The following TDRD1 variants were observed in gnomAD, a reference collection of about 807,000 sequenced individuals.
The protein encoded by TDRD1 is tudor domain-containing protein 1.
A neutral mutation model predicts 140.6 loss-of-function variants in TDRD1; 37 were observed. The observed-to-expected ratio is 0.26, with a 90% CI of 0.20 to 0.35. The LOEUF is 0.35. TDRD1 is among the 10% of genes least tolerant of loss of function. TDRD1 has a pLI of 1.00. For missense variants in TDRD1, 1,243 were observed against 1,393.0 expected, an observed-to-expected ratio of 0.89 and a Z score of 1.71; for synonymous variants, 506 against 475.7, an observed-to-expected ratio of 1.06 and a Z score of -0.83.
At position 114,190,958 on chromosome 10, in the gene TDRD1, C is replaced by T; in HGVS notation, c.326-3C>T. On this transcript the variant is annotated splice_polypyrimidine_tract_variant and splice_region_variant and intron_variant, in intron 2 of 25. Coordinates refer to ENST00000251864, the Ensembl canonical transcript of TDRD1. Reference sequence around the variant, plus strand: ...TATTTGAAATTGTGTTTTTCCTCCCCAGGAAACTCAGTGTCACCACCAAGT... The same window carrying T: ...TATTTGAAATTGTGTTTTTCCTCCCTAGGAAACTCAGTGTCACCACCAAGT... The T allele has an allele frequency of 6.2e-7, 1 of 1,613,638 alleles. No individual in the cohort carries two copies. Among genetic ancestry groups the T allele is most frequent in the African/African-American group, 1.3e-5 (1 of 75,008 alleles).
chr10:114,177,834 C>CTTTTT (rs34189756), upstream of TDRD1, among the ~76,000 whole-genome samples: 1 of 131,120 alleles, frequency 7.6e-6, no homozygotes, highest in Admixed American at 7.8e-5. Context: ...CTTTCTTTTT[C>CTTTTT]TTTTTTTTTT....
intron 19 of TDRD1, 141 bp downstream of exon 19, chr10:114,220,984 T>C (rs1014862193): frequency 3.6e-5 from 22 of 604,718 alleles, no homozygotes; most frequent in Non-Finnish European, 6.0e-5. Context: ...TATTGTATTA[T>C]TATTAAATTA....
At chr10:114,228,153 G>T in intron 25 of TDRD1, 1 of 1,545,294 alleles carries the variant, frequency 6.5e-7, no homozygotes, top group South Asian at 1.2e-5. Context: ...GTATGTTTTC[G>T]CCTCTTCTGT....
Position 114,203,374 on chromosome 10 carries a change from T to C in TDRD1, c.802-14T>C. 1.3e-6 allele frequency: 2 copies of C among 1,564,940 alleles called. No individual in the cohort carries two copies. The highest frequency in any genetic ancestry group is 1.4e-5 in the African/African-American group (1 of 72,464). On this transcript the variant is annotated splice_polypyrimidine_tract_variant and intron_variant, in intron 7 of 25. Transcript: ENST00000251864. ...GCCTTATGAATTATTCCTCTTTTTTTTTATCTTTGAAAGGGTACGGTTACC... is the reference window on the plus strand; with the variant it reads ...GCCTTATGAATTATTCCTCTTTTTTCTTATCTTTGAAAGGGTACGGTTACC...
In TDRD1 at chr10:114,203,976, C is replaced by G; in HGVS notation, c.982-97C>G. 2.1e-6 allele frequency: 3 copies of G among 1,441,656 alleles called. No individual in the cohort carries two copies. In the South Asian group the frequency reaches 3.9e-5, roughly 19 times the overall value. 89.3% of individuals were successfully genotyped at this position (1,441,656 alleles called of 1,614,324 possible). ...TAATTGAGTGCCTCAGAACAGGAGC[C>G]TTTCCTTTGCACGTTCTATAGATTG... is the stretch of plus-strand genomic sequence containing the variant. On this transcript the variant is annotated intron_variant, in intron 8 of 25. Transcript: ENST00000251864.
intron 1 of TDRD1, among the ~76,000 whole-genome samples, chr10:114,181,932 A>G (rs887137587): frequency 6.6e-6 from 1 of 152,146 alleles, no homozygotes; most frequent in Non-Finnish European, 1.5e-5. Flanking sequence ...CGTTACATTC[A>G]TAGAACTGTA....
chr10:114,228,050 G>A (rs1401312749), exon 25 of TDRD1: 2 of 1,609,388 alleles, frequency 1.2e-6, no homozygotes, highest in Non-Finnish European at 1.7e-6. Flanking sequence ...TGAAAAACAT[G>A]AACATATTCT....
rs953900771 is a variant in TDRD1, at chr10:114,221,313, A to C, written c.2771-44A>C. On this transcript the variant is annotated intron_variant, in intron 19 of 25. Coordinates refer to ENST00000251864, the Ensembl canonical transcript of TDRD1. The stretch of plus-strand genomic sequence containing the variant: ...ATGTTACTGAGGAAAACAACAGTAC[A>C]TTTTTTTTATTCCGTGTGAGACCTG... 3.2e-6 allele frequency: 5 copies of C among 1,584,844 alleles called. No individual in the cohort carries two copies. The Admixed American group carries it at 8.8e-5, about 28-fold the overall frequency.
At chr10:114,176,732 CCACTG>C (rs1376681192), upstream of TDRD1, among the ~76,000 whole-genome samples, 2 of 152,052 alleles carry the variant, frequency 1.3e-5, no homozygotes, top group African/African-American at 4.8e-5. The surrounding 1 kb of genome is among the most constrained non-coding windows in gnomAD (Gnocchi z 4.2). Context: ...TATGACTGTG[CCACTG>C]CACTCTAGTC....
chr10:114,179,405 G>A (rs1394285452), exon 1 of TDRD1: 1 of 152,350 alleles, frequency 6.6e-6, no homozygotes, highest in East Asian at 1.9e-4. Context: ...CGGTCCTCTT[G>A]CCTCTTTCCA....
chr10:114,199,972 GAC>G (rs2034622007), intron 4 of TDRD1, among the ~76,000 whole-genome samples: 2 of 152,316 alleles, frequency 1.3e-5, no homozygotes, highest in Non-Finnish European at 2.9e-5. Context: ...TGCACAGGTA[GAC>G]ACACAATGGC....
exon 5 of TDRD1, chr10:114,201,412 T>A (rs2034732355): frequency 6.2e-7 from 1 of 1,613,630 alleles, no homozygotes; most frequent in Non-Finnish European, 8.5e-7. Context: ...TTTTCTAGGA[T>A]CGCTGAGGTG....
intron 8 of TDRD1, 123 bp downstream of exon 8, chr10:114,203,690 T>G (rs1589683562): frequency 1.2e-6 from 1 of 812,712 alleles, no homozygotes; most frequent in East Asian, 2.7e-5. Flanking sequence ...ACGCTTCTAT[T>G]CCTCTTCAGT....
chr10:114,175,687 A>G (rs2032679041), upstream of TDRD1, among the ~76,000 whole-genome samples: 1 of 152,212 alleles, frequency 6.6e-6, no homozygotes, highest in African/African-American at 2.4e-5. Context: ...AAAGCAAGGA[A>G]GAAAAGCAAA....
intron 16 of TDRD1, among the ~76,000 whole-genome samples, chr10:114,215,114 T>C (rs1472350125): frequency 6.6e-6 from 1 of 152,182 alleles, no homozygotes; most frequent in African/African-American, 2.4e-5. Context: ...GGTTTTGAAC[T>C]TTCTAGAAAT....
chr10:114,187,995 T>C, exon 2 of TDRD1: 1 of 1,614,204 alleles, frequency 6.2e-7, no homozygotes, highest in Non-Finnish European at 8.5e-7. Flanking sequence ...AATTTCAGGC[T>C]GAAAAGCTCA....
chr10:114,194,431 T>C (rs1009609863), intron 3 of TDRD1, among the ~76,000 whole-genome samples: 1 of 152,150 alleles, frequency 6.6e-6, no homozygotes, highest in Admixed American at 6.5e-5. Context: ...TTTTAAGGAA[T>C]TTGTTCATTT....
chr10:114,215,966 T>C (rs771632709), intron 16 of TDRD1, among the ~76,000 whole-genome samples: 44 of 152,338 alleles, frequency 2.9e-4, no homozygotes, highest in Admixed American at 3.9e-4. Flanking sequence ...AAGTAATTTT[T>C]GCATTTTTTC....
chr10:114,183,506 ATAATG>A (rs1158076391), intron 1 of TDRD1, among the ~76,000 whole-genome samples: 4 of 152,188 alleles, frequency 2.6e-5, no homozygotes, highest in Admixed American at 6.6e-5. Context: ...ATTGTTATTT[ATAATG>A]TAATATGTTT....
Sources: allele counts gnomAD v4.1 joint callset (sites outside exome capture counted in the v4.1 genomes callset), GRCh38; gene constraint gnomAD v4.1.1; non-coding constraint Gnocchi (gnomAD v3.1); transcripts MANE v1.5; gene names NCBI Gene and HGNC (gene_info 2026-07-23, HGNC 2026-07-21).